Variants in MIB1 observed in about 807,000 individuals in gnomAD.
The protein encoded by MIB1 is E3 ubiquitin-protein ligase MIB1.
MIB1 carries 278 observed loss-of-function variants against 124.5 expected under a neutral mutation model. That is an observed-to-expected ratio of 2.23 (90% confidence interval 2.02 to 2.47). The LOEUF is 2.47. MIB1 is among the 30% of genes most tolerant of loss of function. The pLI, the probability that MIB1 is intolerant of heterozygous loss-of-function variation, is 0.00. For missense variants in MIB1, 957 were observed against 1,254.4 expected, an observed-to-expected ratio of 0.76 and a Z score of 3.58; for synonymous variants, 446 against 429.4, an observed-to-expected ratio of 1.04 and a Z score of -0.48.
rs1280947352 is a variant in MIB1, at chr18:21,789,955, G to A, written c.909-1419G>A. Among the ~76,000 whole-genome samples, 3 of 152,098 alleles carry A rather than the reference G, an allele frequency of 2.0e-5. No individual in the cohort carries two copies. In the East Asian group the frequency reaches 5.8e-4, roughly 29 times the overall value. The stretch of plus-strand genomic sequence containing the variant: ...AGTTCAGTGTGGAATTAGGGTAGGT[G>A]TTCTGTTATCAATTGTGGTACATCT... On this transcript the variant is annotated intron_variant, in intron 6 of 20. Coordinates refer to ENST00000261537, the MANE Select transcript of MIB1 (RefSeq NM_020774.4).
At chr18:21,860,125 T>TTTTTA (rs1273694921) in intron 20 of MIB1, among the ~76,000 whole-genome samples, 2 of 107,334 alleles carry the variant, frequency 1.9e-5, no homozygotes, top group East Asian at 2.9e-4. Context: ...TTTTTTTTTT[T>TTTTTA]AGAGTCTCAC....
At chr18:21,738,589 C>T (rs938737813), upstream of MIB1, among the ~76,000 whole-genome samples, 3 of 151,754 alleles carry the variant, frequency 2.0e-5, no homozygotes, top group Admixed American at 6.6e-5. Context: ...GGGCGGATCA[C>T]GAGGTCAGAA....
At chr18:21,818,254 A>C (rs1568214171) in intron 11 of MIB1, among the ~76,000 whole-genome samples, 1 of 151,524 alleles carries the variant, frequency 6.6e-6, no homozygotes, top group African/African-American at 2.4e-5. Flanking sequence ...TGGACATCAG[A>C]TTTTTTTTTC....
chr18:21,798,271 A>G, intron 8 of MIB1, 43 bp downstream of exon 8: 1 of 1,593,568 alleles, frequency 6.3e-7, no homozygotes, highest in Non-Finnish European at 8.6e-7. Context: ...TGTGGTTTAC[A>G]TTAAAACCTT....
intron 10 of MIB1, among the ~76,000 whole-genome samples, chr18:21,810,689 G>T (rs2041762765): frequency 6.6e-6 from 1 of 151,278 alleles, no homozygotes; most frequent in African/African-American, 2.4e-5. Flanking sequence ...ATATGTAAAA[G>T]AATAAAGTAG....
intron 6 of MIB1, among the ~76,000 whole-genome samples, chr18:21,788,618 G>A (rs2146439054): frequency 6.6e-6 from 1 of 152,266 alleles, no homozygotes; most frequent in East Asian, 1.9e-4. Flanking sequence ...TCTAGTCATA[G>A]CAACTAGGTA....
At chr18:21,797,859 A>C (rs1043438308) in intron 7 of MIB1, among the ~76,000 whole-genome samples, 3 of 152,102 alleles carry the variant, frequency 2.0e-5, no homozygotes, top group African/African-American at 7.2e-5. Flanking sequence ...GATAGACTTT[A>C]TCATGATTTG....
intron 1 of MIB1, among the ~76,000 whole-genome samples, chr18:21,747,813 A>T (rs953250097): frequency 6.6e-6 from 1 of 152,168 alleles, no homozygotes; most frequent in Non-Finnish European, 1.5e-5. Flanking sequence ...TCCACCCTCT[A>T]TAATTGCTAG....
At chr18:21,840,408 C>CA (rs1238784652) in intron 13 of MIB1, among the ~76,000 whole-genome samples, 4 of 151,644 alleles carry the variant, frequency 2.6e-5, no homozygotes, top group South Asian at 2.1e-4. Context: ...ATACCAAAAA[C>CA]AAAAAAACCC....
At chr18:21,815,151 C>T (rs1263767376) in intron 10 of MIB1, among the ~76,000 whole-genome samples, 2 of 148,286 alleles carry the variant, frequency 1.3e-5, no homozygotes, top group African/African-American at 5.0e-5. Context: ...AGTCACTGTT[C>T]AAGTCAGTTT....
chr18:21,803,381 G>T (rs1363880429), intron 9 of MIB1, among the ~76,000 whole-genome samples: 5 of 152,184 alleles, frequency 3.3e-5, no homozygotes, highest in Non-Finnish European at 7.4e-5. Flanking sequence ...TGAAGGAAAG[G>T]TTGGAAATTA....
At chr18:21,828,182 C>CTA (rs949366820) in intron 12 of MIB1, 2 of 151,860 alleles carry the variant, frequency 1.3e-5, no homozygotes, top group Non-Finnish European at 2.9e-5. Flanking sequence ...TGGTTCTTGA[C>CTA]TATAGTGCTT....
upstream of MIB1, among the ~76,000 whole-genome samples, chr18:21,740,063 T>C (rs2040827474): frequency 6.6e-6 from 1 of 152,198 alleles, no homozygotes; most frequent in African/African-American, 2.4e-5. Context: ...CTCCTTTGAC[T>C]ATCAGGAAAA....
intron 6 of MIB1, among the ~76,000 whole-genome samples, chr18:21,790,521 T>C (rs1214511523): frequency 2.0e-5 from 3 of 152,188 alleles, no homozygotes. Flanking sequence ...CCAAGATGCA[T>C]TCTTTGAAAA....
chr18:21,865,699 T>C lies in MIB1; in HGVS notation c.*1033T>C, dbSNP rs2042315694. 1.3e-5 allele frequency: 2 copies of C among 152,670 alleles called. No homozygotes were observed. Among genetic ancestry groups the C allele is most frequent in the South Asian group, 4.1e-4 (2 of 4,834 alleles). The allele number at this position is 152,670 out of a possible 1,614,324, so 9.5% of individuals were successfully genotyped here. On this transcript the variant is annotated 3_prime_UTR_variant, in exon 21 of 21. Coordinates refer to ENST00000261537, the MANE Select transcript of MIB1 (RefSeq NM_020774.4). ...TTAATTCTGACAGTGTTAGTGATTCTGTCTTCATTATAGGCCTTATTTCCA... is the reference window on the plus strand; with the variant it reads ...TTAATTCTGACAGTGTTAGTGATTCCGTCTTCATTATAGGCCTTATTTCCA...
intron 10 of MIB1, among the ~76,000 whole-genome samples, chr18:21,814,828 C>T (rs1407084593): frequency 6.6e-6 from 1 of 150,990 alleles, no homozygotes; most frequent in East Asian, 2.0e-4. Context: ...CCCGCCTTGG[C>T]CTCCCAAAGT....
intron 1 of MIB1, among the ~76,000 whole-genome samples, chr18:21,750,076 T>G (rs937598343): frequency 1.3e-5 from 2 of 151,748 alleles, no homozygotes; most frequent in Non-Finnish European, 2.9e-5. Context: ...AAAAATTAGG[T>G]TTTTTTTGCA....
At position 21,763,792 on chromosome 18, in the gene MIB1, T is replaced by C. The variant is rs9962944; in HGVS notation, c.230-1980T>C. On this transcript the variant is annotated intron_variant, in intron 1 of 20. Coordinates refer to ENST00000261537, the MANE Select transcript of MIB1 (RefSeq NM_020774.4). ...TGGAACCATTTCTCTCAATTTCTAC[T>C]GTCAACACCCTAATTTAAGCTACCA... 2.6e-3 allele frequency among the ~76,000 whole-genome samples: 396 copies of C among 152,308 alleles called. 2 individuals are homozygous for C. The highest frequency in any genetic ancestry group is 9.0e-3 in the African/African-American group (376 of 41,574).
intron 12 of MIB1, chr18:21,829,533 A>G (rs189068496): frequency 6.6e-6 from 1 of 152,298 alleles, no homozygotes; most frequent in South Asian, 2.1e-4. Context: ...CAAATTAACC[A>G]ATAAGTATTT....
Sources: gnomAD v4.1 joint callset for allele counts (sites outside exome capture counted in the v4.1 genomes callset) on GRCh38, gnomAD v4.1.1 for gene constraint, MANE v1.5 for transcripts, NCBI Gene and HGNC (gene_info 2026-07-23, HGNC 2026-07-21) for gene names.